The following SYNGR1 variants were observed in gnomAD, a reference collection of about 807,000 sequenced individuals.
The protein encoded by SYNGR1 is synaptogyrin 1, also known as synaptogyrin-1.
Under a neutral mutation model 26.1 loss-of-function variants are expected in SYNGR1, and 14 were observed. That is an observed-to-expected ratio of 0.54 (90% CI 0.35 to 0.84). The LOEUF (loss-of-function observed/expected upper bound fraction) is 0.84. Ranked by LOEUF, SYNGR1 falls within the 40% of genes least tolerant of loss-of-function variation. The pLI is 0.01. For missense variants in SYNGR1, 319 were observed against 332.9 expected (o/e 0.96, Z 0.33); for synonymous variants, 141 against 150.1 (o/e 0.94, Z 0.44).
intron 1 of SYNGR1, among the ~76,000 whole-genome samples, chr22:39,369,357 G>A (rs1459222487): frequency 6.6e-6 from 1 of 152,136 alleles, no homozygotes; most frequent in Non-Finnish European, 1.5e-5. Context: ...TAGCTCAGGA[G>A]CCCCTTTGAC....
In SYNGR1 at chr22:39,382,089, G is replaced by A. The variant is rs549671585; in HGVS notation, c.*175G>A. The A allele has an allele frequency of 1.5e-4, 104 of 678,632 alleles. No homozygotes were observed. The African/African-American group carries it at 1.6e-3, about 11-fold the overall frequency. 42.0% of individuals were successfully genotyped at this position (678,632 alleles called of 1,614,324 possible). ...CAGTCCAGTGTTGGGGACTGTCTAC[G>A]TATGTGCAAGTATATCCCAGGGCAT... On this transcript the variant is annotated 3_prime_UTR_variant, in exon 4 of 4. Transcript: ENST00000328933.
At chr22:39,359,582 G>A (rs1403856492) in intron 1 of SYNGR1, among the ~76,000 whole-genome samples, 6 of 138,844 alleles carry the variant, frequency 4.3e-5, no homozygotes, top group Admixed American at 8.1e-5. Context: ...AGTAAGCCAA[G>A]ATCGCGCCAC....
chr22:39,361,659 C>T (rs1418171759), intron 1 of SYNGR1, among the ~76,000 whole-genome samples: 1 of 152,042 alleles, frequency 6.6e-6, no homozygotes, highest in Non-Finnish European at 1.5e-5. Context: ...CACGCCCGGC[C>T]AATCCTGCCC....
intron 3 of SYNGR1, chr22:39,377,402 G>T (rs953751912): frequency 4.2e-5 from 41 of 985,316 alleles, no homozygotes; most frequent in Non-Finnish European, 4.9e-5. Context: ...CAGAGAAGGT[G>T]CCCCAGAAGT....
In SYNGR1 at chr22:39,381,335, C is replaced by T. The variant is rs191881788; in HGVS notation, c.484-361C>T. 2.6e-5 allele frequency among the ~76,000 whole-genome samples: 4 copies of T among 152,264 alleles called. No individual in the cohort carries two copies. In the South Asian group the frequency reaches 6.2e-4, roughly 24 times the overall value. On this transcript the variant is annotated intron_variant, in intron 3 of 3. Coordinates refer to ENST00000328933, the MANE Select transcript of SYNGR1 (RefSeq NM_004711.5). Reference sequence around the variant, plus strand: ...AGGAGATGCTAACAGTCCTTTGTCCCGCTGAGAAGCTTTTTTTAAGAAGGC... The same window carrying T: ...AGGAGATGCTAACAGTCCTTTGTCCTGCTGAGAAGCTTTTTTTAAGAAGGC...
chr22:39,368,997 A>G (rs935460237), intron 1 of SYNGR1, among the ~76,000 whole-genome samples: 3 of 152,194 alleles, frequency 2.0e-5, no homozygotes, highest in Admixed American at 2.0e-4. Context: ...CAGAGGACCA[A>G]TCTGAGGCTC....
At chr22:39,363,149 C>G (rs1924568858) in intron 1 of SYNGR1, among the ~76,000 whole-genome samples, 1 of 151,882 alleles carries the variant, frequency 6.6e-6, no homozygotes, top group Non-Finnish European at 1.5e-5. Flanking sequence ...TGCCCTGAGG[C>G]AGGGATGAAC....
intron 1 of SYNGR1, 138 bp from the exon 2 acceptor site, chr22:39,374,178 C>T (rs1463934261): frequency 1.3e-6 from 1 of 745,854 alleles, no homozygotes; most frequent in East Asian, 2.6e-5. Flanking sequence ...GGGGATCCCC[C>T]TCTGAAATGC....
At chr22:39,351,537 C>T (rs1054170538) in intron 1 of SYNGR1, among the ~76,000 whole-genome samples, 19 of 152,226 alleles carry the variant, frequency 1.2e-4, no homozygotes, top group African/African-American at 4.6e-4. Flanking sequence ...CCCAACAGAC[C>T]CTTGCCAAAG....
chr22:39,378,323 G>A (rs1415403060), intron 3 of SYNGR1: 1 of 970,386 alleles, frequency 1.0e-6, no homozygotes, highest in Non-Finnish European at 1.2e-6. Flanking sequence ...ATGAAACAAA[G>A]GCCAGCCCAG....
chr22:39,380,681 C>G (rs574059615), intron 3 of SYNGR1, among the ~76,000 whole-genome samples: 1 of 130,860 alleles, frequency 7.6e-6, no homozygotes, highest in African/African-American at 3.1e-5. Flanking sequence ...AGTGCAGTGG[C>G]GCTGTCTCAG....
At position 39,350,287 on chromosome 22, in the gene SYNGR1, C is replaced by T. The variant is rs1923840203; in HGVS notation, c.99+178C>T. ...TGCCGCCGCTCCTCCTTCCCGGGCC[C>T]GGGGCGGGCGGGATCCCTGGTGCTC... On this transcript the variant is annotated intron_variant, in intron 1 of 3. Transcript: ENST00000328933. The surrounding 1 kb of genome is among the most constrained non-coding windows in gnomAD (Gnocchi z 4.3). 6.6e-6 allele frequency among the ~76,000 whole-genome samples: 1 copy of T among 151,846 alleles called. No individual in the cohort carries two copies. The highest frequency in any genetic ancestry group is 1.5e-5 in the Non-Finnish European group (1 of 67,922).
At chr22:39,355,724 A>C (rs1231226952) in intron 1 of SYNGR1, among the ~76,000 whole-genome samples, 1 of 152,190 alleles carries the variant, frequency 6.6e-6, no homozygotes, top group African/African-American at 2.4e-5. Context: ...AGTTTATAAA[A>C]ATGCAAATTT....
chr22:39,356,200 G>GGGA (rs1924136322), intron 1 of SYNGR1, among the ~76,000 whole-genome samples: 2 of 151,638 alleles, frequency 1.3e-5, no homozygotes, highest in African/African-American at 4.9e-5. Context: ...CTGAGTAGAT[G>GGGA]TCCGCCACCA....
chr22:39,356,108 C>G (rs1467308790), intron 1 of SYNGR1, among the ~76,000 whole-genome samples: 1 of 152,110 alleles, frequency 6.6e-6, no homozygotes, highest in Non-Finnish European at 1.5e-5. Flanking sequence ...GCTCTGTCAC[C>G]CAAGTTGGAA....
rs5757650 is a variant in SYNGR1, at chr22:39,382,414, T to C, written c.*500T>C. The C allele has an allele frequency of 0.66, 123,832 of 187,118 alleles. 42,234 individuals are homozygous for C. Among genetic ancestry groups the C allele is most frequent in the East Asian group, 1 (7,579 of 7,614 alleles). 11.6% of individuals were successfully genotyped at this position (187,118 alleles called of 1,614,324 possible). ...GACACTGGGGGCTGTCACCCTGCTC[T>C]GGCAGTCCTGCTAAGAGTGTCAGGG... On this transcript the variant is annotated 3_prime_UTR_variant, in exon 4 of 4. Coordinates refer to ENST00000328933, the MANE Select transcript of SYNGR1 (RefSeq NM_004711.5).
intron 1 of SYNGR1, among the ~76,000 whole-genome samples, chr22:39,368,099 G>C (rs528371003): frequency 6.6e-6 from 1 of 152,310 alleles, no homozygotes; most frequent in South Asian, 2.1e-4. Context: ...CTCCCTCCTG[G>C]CGTTTGCCAG....
intron 1 of SYNGR1, among the ~76,000 whole-genome samples, chr22:39,371,965 AGG>A (rs1925041989): frequency 6.6e-6 from 1 of 152,108 alleles, no homozygotes; most frequent in Non-Finnish European, 1.5e-5. Context: ...CTACAACATA[AGG>A]CTTATAACAA....
intron 1 of SYNGR1, among the ~76,000 whole-genome samples, chr22:39,358,645 C>A (rs1293864775): frequency 3.9e-5 from 6 of 152,078 alleles, no homozygotes; most frequent in African/African-American, 1.2e-4. Context: ...CACGAACCCA[C>A]CAGAAGGATG....
Sources: gnomAD v4.1 joint callset for allele counts (sites outside exome capture counted in the v4.1 genomes callset) on GRCh38, gnomAD v4.1.1 for gene constraint, Gnocchi (gnomAD v3.1) non-coding constraint, MANE v1.5 for transcripts, NCBI Gene and HGNC (gene_info 2026-07-23, HGNC 2026-07-21) for gene names.